The following RSPO2 variants were observed in gnomAD, a reference collection of about 807,000 sequenced individuals.
RSPO2 encodes R-spondin-2.
A neutral mutation model predicts 30.9 loss-of-function variants in RSPO2; 14 were observed. That is an observed-to-expected ratio of 0.45 (90% confidence interval 0.30 to 0.71). The LOEUF (loss-of-function observed/expected upper bound fraction) is 0.71. RSPO2 is among the 30% of genes least tolerant of loss of function. RSPO2 has a pLI of 0.08. For missense variants in RSPO2, 264 were observed against 301.9 expected, an observed-to-expected ratio of 0.87 and a Z score of 0.93; for synonymous variants, 107 against 96.4, an observed-to-expected ratio of 1.11 and a Z score of -0.64.
intron 5 of RSPO2, among the ~76,000 whole-genome samples, chr8:107,939,125 G>A (rs2130368885): frequency 6.6e-6 from 1 of 152,164 alleles, no homozygotes; most frequent in South Asian, 2.1e-4. Flanking sequence ...GATAATTCTT[G>A]CTTGTTATTA....
chr8:108,070,753 A>T (rs1812821679), intron 2 of RSPO2, among the ~76,000 whole-genome samples: 1 of 152,190 alleles, frequency 6.6e-6, no homozygotes, highest in South Asian at 2.1e-4. Context: ...AGTGTTGTCA[A>T]GTCACCAGCT....
At chr8:108,002,733 T>A (rs893413151) in intron 2 of RSPO2, among the ~76,000 whole-genome samples, 2 of 152,198 alleles carry the variant, frequency 1.3e-5, no homozygotes, top group Non-Finnish European at 2.9e-5. Flanking sequence ...ACTAACCAGA[T>A]CAAAGACTCC....
chr8:108,082,302 G>T (rs527782027), intron 2 of RSPO2, among the ~76,000 whole-genome samples: 1 of 152,232 alleles, frequency 6.6e-6, no homozygotes, highest in Non-Finnish European at 1.5e-5. Context: ...CTGAGCGCCC[G>T]ATTGGCGCCC....
At chr8:107,904,998 C>A (rs1165591880) in intron 5 of RSPO2, among the ~76,000 whole-genome samples, 1 of 151,648 alleles carries the variant, frequency 6.6e-6, no homozygotes, top group Non-Finnish European at 1.5e-5. Context: ...CTGCTACCAT[C>A]CAGCTGTGAA....
intron 4 of RSPO2, among the ~76,000 whole-genome samples, chr8:107,959,217 G>A (rs930107134): frequency 3.3e-5 from 5 of 152,132 alleles, no homozygotes; most frequent in Non-Finnish European, 7.4e-5. Flanking sequence ...CAGGTTTCTG[G>A]AGACCACAGT....
chr8:107,940,087 C>T (rs1441569406), intron 5 of RSPO2, among the ~76,000 whole-genome samples: 1 of 152,072 alleles, frequency 6.6e-6, no homozygotes, highest in Non-Finnish European at 1.5e-5. Context: ...CACCAACCAA[C>T]AACTTGAAGA....
chr8:108,071,292 C>T lies in RSPO2; in HGVS notation c.94+11253G>A, dbSNP rs1474381268. ...TTATTTAAATGAGGGGAAAAAAGAA[C>T]TTTCATAATTGACAGGATTCAGTCA... is the stretch of plus-strand genomic sequence containing the variant. On this transcript the variant is annotated intron_variant, in intron 2 of 5. Transcript: ENST00000276659. Among the ~76,000 whole-genome samples, 4 of 152,234 alleles carry T rather than the reference C, an allele frequency of 2.6e-5. No individual in the cohort carries two copies. In the East Asian group the frequency reaches 5.8e-4, roughly 22 times the overall value.
intron 5 of RSPO2, among the ~76,000 whole-genome samples, chr8:107,948,869 AT>A (rs202169734): frequency 6.5e-4 from 83 of 128,366 alleles, no homozygotes; most frequent in African/African-American, 2.1e-3. Flanking sequence ...CAAAAAAAAA[AT>A]AAATAAATAA....
intron 2 of RSPO2, among the ~76,000 whole-genome samples, chr8:108,011,992 G>T (rs11781006): frequency 0.37 from 56,065 of 151,902 alleles, 11,323 homozygotes; most frequent in African/African-American, 0.52. Context: ...TAAGCCTCCA[G>T]TTTTCAATAC....
intron 2 of RSPO2, among the ~76,000 whole-genome samples, chr8:108,056,634 AAAAAAAAAAG>A (rs1812255410): frequency 6.6e-6 from 1 of 150,592 alleles, no homozygotes. Flanking sequence ...AAAAAAAAAA[AAAAAAAAAAG>A]AAAAGAAAAG....
chr8:108,005,315 G>A (rs1226447953), intron 2 of RSPO2, among the ~76,000 whole-genome samples: 1 of 152,120 alleles, frequency 6.6e-6, no homozygotes, highest in Non-Finnish European at 1.5e-5. Context: ...TAATTGGTAA[G>A]TATTTTGAGA....
chr8:108,028,612 G>C (rs1421005692), intron 2 of RSPO2, among the ~76,000 whole-genome samples: 2 of 152,150 alleles, frequency 1.3e-5, no homozygotes, highest in East Asian at 3.9e-4. Flanking sequence ...ATCCTTCTTA[G>C]GAATTTGCTT....
chr8:108,020,735 G>A (rs1811037066), intron 2 of RSPO2, among the ~76,000 whole-genome samples: 1 of 152,056 alleles, frequency 6.6e-6, no homozygotes, highest in South Asian at 2.1e-4. Flanking sequence ...AACCTATAAA[G>A]GAACATGCAA....
At chr8:107,910,437 G>A (rs1180066013) in intron 5 of RSPO2, among the ~76,000 whole-genome samples, 1 of 152,192 alleles carries the variant, frequency 6.6e-6, no homozygotes, top group South Asian at 2.1e-4. Context: ...GAAGCCTAAG[G>A]CAGGAGGATT....
chr8:108,017,818 C>G (rs1810942607), intron 2 of RSPO2, among the ~76,000 whole-genome samples: 1 of 152,114 alleles, frequency 6.6e-6, no homozygotes, highest in African/African-American at 2.4e-5. Context: ...AAAGAAATTT[C>G]TAACTAAAGA....
At chr8:107,958,320 A>G (rs1194719272) in intron 4 of RSPO2, 52 bp from the exon 5 acceptor site, 6 of 1,443,684 alleles carry the variant, frequency 4.2e-6, no homozygotes, top group Non-Finnish European at 9.6e-7. Flanking sequence ...ATAAGTTAGT[A>G]TCCATTTGCT....
intron 2 of RSPO2, among the ~76,000 whole-genome samples, chr8:108,019,069 T>C (rs780785534): frequency 1.8e-4 from 27 of 152,214 alleles, no homozygotes; most frequent in Non-Finnish European, 1.3e-4. Context: ...ATGAATCACA[T>C]AGTCTCGAAT....
chr8:108,073,078 A>G (rs1307449699), intron 2 of RSPO2: 1 of 152,230 alleles, frequency 6.6e-6, no homozygotes, highest in East Asian at 1.9e-4. Context: ...ACAGATACTA[A>G]AACAGTGAGG....
intron 2 of RSPO2, among the ~76,000 whole-genome samples, chr8:108,028,919 A>G (rs186518230): frequency 5.4e-4 from 82 of 151,112 alleles, no homozygotes; most frequent in African/African-American, 1.9e-3. Flanking sequence ...CCTTGCAGGT[A>G]CCAAACATTC....
Sources: allele counts gnomAD v4.1 joint callset (sites outside exome capture counted in the v4.1 genomes callset), GRCh38; gene constraint gnomAD v4.1.1; transcripts MANE v1.5; gene names NCBI Gene and HGNC (gene_info 2026-07-23, HGNC 2026-07-21).